Variants in MARCKS observed in about 807,000 individuals in gnomAD.
MARCKS encodes myristoylated alanine-rich C-kinase substrate.
In MARCKS, 4 loss-of-function variants were observed where a neutral mutation model predicts 6.3. That is an observed-to-expected ratio of 0.63 (90% CI 0.31 to 1.45). The LOEUF is 1.45. MARCKS is among the 40% of genes most tolerant of loss of function. The pLI, the probability that MARCKS is intolerant of heterozygous loss-of-function variation, is 0.07. For synonymous variants in MARCKS, 289 were observed against 236.5 expected, an observed-to-expected ratio of 1.22 and a Z score of -2.04; for missense variants, 636 against 485.7, an observed-to-expected ratio of 1.31 and a Z score of -2.91.
At position 113,857,823 on chromosome 6, in the gene MARCKS, G is replaced by T; in HGVS notation, c.78G>T (p.Ser26=). 1 of 1,605,348 alleles carries T rather than the reference G, an allele frequency of 6.2e-7. No homozygotes were observed. The change falls in exon 1 of 2, where the codon TCG becomes TCT. Residue 26 remains serine (S), a synonymous_variant. Coordinates refer to ENST00000612661, the MANE Select transcript of MARCKS (RefSeq NM_002356.7). ...GGCCTGGGGAGGCGGCTGTGGCCTC[G>T]TCGCCTTCCAAAGCGAACGGACAGG... ...AERPGEAAVA[S]SPSKANGQEN...
intron 1 of MARCKS, 80 bp from the exon 2 acceptor site, chr6:113,859,603 C>A: frequency 8.0e-7 from 1 of 1,246,884 alleles, no homozygotes. Context: ...GGAAGCGGGG[C>A]ACTCCCGGTC....
chr6:113,862,749 C>T lies in MARCKS; in HGVS notation c.*2170C>T, dbSNP rs1774921784. ...AAAAATAACAAATTAGGTTTTGACA[C>T]GCATTCTTAATTGGAATAATGGATC... On this transcript the variant is annotated 3_prime_UTR_variant, in exon 2 of 2. Transcript: ENST00000612661. 1 of 152,092 alleles carries T rather than the reference C, an allele frequency of 6.6e-6. No individual in the cohort carries two copies. Among genetic ancestry groups the T allele is most frequent in the Non-Finnish European group, 1.5e-5 (1 of 67,972 alleles). 9.4% of individuals were successfully genotyped at this position (152,092 alleles called of 1,614,324 possible).
Position 113,857,722 on chromosome 6 carries a change from A to G in MARCKS, c.-24A>G, listed in dbSNP as rs1240011338. 2 of 1,564,536 alleles carry G rather than the reference A, an allele frequency of 1.3e-6. No homozygotes were observed. Among genetic ancestry groups the G allele is most frequent in the Admixed American group, 1.8e-5 (1 of 55,354 alleles). ...TTTGTTTCCCCTCTTGGATCTGTTG[A>G]GTTTCTTTGTTGAAGAAGCCAGCAT... is the stretch of plus-strand genomic sequence containing the variant. On this transcript the variant is annotated 5_prime_UTR_variant, in exon 1 of 2. Coordinates refer to ENST00000612661, the MANE Select transcript of MARCKS (RefSeq NM_002356.7).
At chr6:113,859,095 T>C (rs1469353849) in intron 1 of MARCKS, among the ~76,000 whole-genome samples, 1 of 151,914 alleles carries the variant, frequency 6.6e-6, no homozygotes. Context: ...CGCGGCGCGG[T>C]GGAGGCACAG....
At chr6:113,857,926 G>A (rs1774813377) in intron 1 of MARCKS, 79 bp downstream of exon 1, 4 of 1,148,738 alleles carry the variant, frequency 3.5e-6, no homozygotes, top group Non-Finnish European at 5.0e-6. Context: ...AGGCTCATTC[G>A]TGGAGAGGAG....
rs1233242439 is a variant in MARCKS at position 113,857,705 on chromosome 6, C to T, written c.-41C>T. Reference sequence around the variant, plus strand: ...ACACCAACCCGAGGCTCTTTGTTTCCCCTCTTGGATCTGTTGAGTTTCTTT... The same window carrying T: ...ACACCAACCCGAGGCTCTTTGTTTCTCCTCTTGGATCTGTTGAGTTTCTTT... On this transcript the variant is annotated 5_prime_UTR_variant, in exon 1 of 2. Coordinates refer to ENST00000612661, the MANE Select transcript of MARCKS (RefSeq NM_002356.7). 1 of 1,491,024 alleles carries T rather than the reference C, an allele frequency of 6.7e-7. No homozygotes were observed. The highest frequency in any genetic ancestry group is 1.2e-5 in the South Asian group (1 of 83,928). 92.4% of individuals were successfully genotyped at this position (1,491,024 alleles called of 1,614,324 possible).
chr6:113,862,580 T>A lies in MARCKS; in HGVS notation c.*2001T>A, dbSNP rs1365782635. On this transcript the variant is annotated 3_prime_UTR_variant, in exon 2 of 2. Coordinates refer to ENST00000612661, the MANE Select transcript of MARCKS (RefSeq NM_002356.7). ...TTCCTTCAAAGGACCCTAAACTGAT[T>A]GAAATTTAAGATATGTATCAAAAAC... 2.6e-5 allele frequency: 4 copies of A among 152,144 alleles called. No individual in the cohort carries two copies. The allele number at this position is 152,144 out of a possible 1,614,324, so 9.4% of individuals were successfully genotyped here.
chr6:113,859,332 CT>C (rs1284173302), intron 1 of MARCKS, among the ~76,000 whole-genome samples: 2 of 152,320 alleles, frequency 1.3e-5, no homozygotes, highest in South Asian at 2.1e-4. Context: ...TCCCTGGCAC[CT>C]TTTTTCCCCC....
rs1452338363 is a variant in MARCKS, at chr6:113,860,908, CAA to C, written c.*332_*333del. 1.3e-5 allele frequency: 2 copies of C among 158,806 alleles called. No homozygotes were observed. The highest frequency in any genetic ancestry group is 2.8e-5 in the Non-Finnish European group (2 of 72,270). 9.8% of individuals were successfully genotyped at this position (158,806 alleles called of 1,614,324 possible). On this transcript the variant is annotated 3_prime_UTR_variant, in exon 2 of 2. Transcript: ENST00000612661. ...TTTTTGCATACTTTGCATCTTTATT[CAA>C]AAGTGTAAACTTTCTTTGTCAATCT... is the stretch of plus-strand genomic sequence containing the variant.
chr6:113,860,689 T>A lies in MARCKS; in HGVS notation c.*110T>A. 1 of 755,190 alleles carries A rather than the reference T, an allele frequency of 1.3e-6. No homozygotes were observed. Among genetic ancestry groups the A allele is most frequent in the Non-Finnish European group, 1.9e-6 (1 of 520,818 alleles). 46.8% of individuals were successfully genotyped at this position (755,190 alleles called of 1,614,324 possible). On this transcript the variant is annotated 3_prime_UTR_variant, in exon 2 of 2. Coordinates refer to ENST00000612661, the MANE Select transcript of MARCKS (RefSeq NM_002356.7). Reference sequence around the variant, plus strand: ...CTTGTCTACAACCAGGGATTGATTTTAAAGATGTCTTTTTTTATTTTACTT... The same window carrying A: ...CTTGTCTACAACCAGGGATTGATTTAAAAGATGTCTTTTTTTATTTTACTT...
intron 1 of MARCKS, 68 bp downstream of exon 1, chr6:113,857,915 A>G: frequency 1.5e-6 from 2 of 1,299,614 alleles, no homozygotes; most frequent in Non-Finnish European, 2.2e-6. Context: ...GGTGGCTCCC[A>G]AGGCTCATTC....
chr6:113,857,900 C>T, intron 1 of MARCKS, 53 bp downstream of exon 1: 1 of 1,398,580 alleles, frequency 7.2e-7, no homozygotes, highest in Non-Finnish European at 9.9e-7. Context: ...CTCTCCTTCC[C>T]TCCTGGTGGC....
chr6:113,859,009 G>C (rs1294460330), intron 1 of MARCKS, among the ~76,000 whole-genome samples: 2 of 152,066 alleles, frequency 1.3e-5, no homozygotes, highest in Non-Finnish European at 2.9e-5. Context: ...GGGGCGCCTC[G>C]GCCTGCGGGC....
chr6:113,860,825 C>T lies in MARCKS; in HGVS notation c.*246C>T. 1 of 285,238 alleles carries T rather than the reference C, an allele frequency of 3.5e-6. No individual in the cohort carries two copies. The highest frequency in any genetic ancestry group is 6.5e-6 in the Non-Finnish European group (1 of 153,174). The allele number at this position is 285,238 out of a possible 1,614,324, so 17.7% of individuals were successfully genotyped here. A position where few individuals can be genotyped will look rare whatever the true frequency, so the allele number is the denominator to read the frequency against. On this transcript the variant is annotated 3_prime_UTR_variant, in exon 2 of 2. Transcript: ENST00000612661. ...CAACAGGTCGAGGAGAGCTTAAACA[C>T]CTTCTTCCTCTGCCTTGTTTCTCTT...
Position 113,860,242 on chromosome 6 carries a change from A to C in MARCKS, c.662A>C (p.Glu221Ala). The change falls in exon 2 of 2, where the codon GAG (glutamate) becomes GCG (alanine). Residue 221 changes from glutamate (E) to alanine (A), a missense_variant. Glu to Ala is a moderately radical substitution (Grantham distance 107, BLOSUM62 -1). Transcript: ENST00000612661. Reference sequence around the variant, plus strand: ...GAGCAGGCAGCGGCGCCGGGCGAGGAGGCGGCAGCGGGCGAGGAGGGGGCG... The same window carrying C: ...GAGCAGGCAGCGGCGCCGGGCGAGGCGGCGGCAGCGGGCGAGGAGGGGGCG... ...SGEQAAAPGE[E>A]AAAGEEGAAG... 9.3e-7 allele frequency: 1 copy of C among 1,077,144 alleles called. No homozygotes were observed. Among genetic ancestry groups the C allele is most frequent in the Non-Finnish European group, 1.1e-6 (1 of 884,826 alleles). 66.7% of individuals were successfully genotyped at this position (1,077,144 alleles called of 1,614,324 possible). A position where few individuals can be genotyped will look rare whatever the true frequency, so the allele number is the denominator to read the frequency against.
In MARCKS at chr6:113,860,529, G is replaced by A. The variant is rs1774881461; in HGVS notation, c.949G>A (p.Ala317Thr). The change falls in exon 2 of 2, where the codon GCC (alanine) becomes ACC (threonine). Residue 317 changes from alanine to threonine, a missense_variant. By Grantham distance (58) the Ala-to-Thr change is moderately conservative (BLOSUM62 0). Coordinates refer to ENST00000612661, the MANE Select transcript of MARCKS (RefSeq NM_002356.7). ...AGCCTGCGCAGCCCCCTCACAGGAG[G>A]CCCAGCCCGAGTGCAGTCCAGAAGC... ...SSACAAPSQEAQPECSPEAPP... is the reference protein window; with the variant it reads ...SSACAAPSQETQPECSPEAPP... The A allele has an allele frequency of 1.3e-6, 2 of 1,558,356 alleles. No homozygotes were observed. The highest frequency in any genetic ancestry group is 1.4e-5 in the African/African-American group (1 of 70,268).
At chr6:113,859,117 G>A (rs1167972774) in intron 1 of MARCKS, among the ~76,000 whole-genome samples, 1 of 152,162 alleles carries the variant, frequency 6.6e-6, no homozygotes, top group Admixed American at 6.5e-5. Context: ...GCCCCCTGCC[G>A]GTGCCAAAGG....
chr6:113,860,282 G>GCAGGAGGCCAAGCCC lies in MARCKS; in HGVS notation c.712_726dup (p.Lys238_Ala242dup). ...AGGAGGGGGCGGCGGGTGGCGACCC[G>GCAGGAGGCCAAGCCC]CAGGAGGCCAAGCCCCAGGAGGCCG... On this transcript the variant is annotated inframe_insertion, in exon 2 of 2. Transcript: ENST00000612661. 2.4e-6 allele frequency: 3 copies of GCAGGAGGCCAAGCCC among 1,225,338 alleles called. No homozygotes were observed. The highest frequency in any genetic ancestry group is 1.7e-5 in the African/African-American group (1 of 60,244). 75.9% of individuals were successfully genotyped at this position (1,225,338 alleles called of 1,614,324 possible). A position where few individuals can be genotyped will look rare whatever the true frequency, so the allele number is the denominator to read the frequency against.
At position 113,860,711 on chromosome 6, in the gene MARCKS, A is replaced by C. The variant is rs1774887611; in HGVS notation, c.*132A>C. The C allele has an allele frequency of 4.7e-6, 3 of 637,308 alleles. No homozygotes were observed. Among genetic ancestry groups the C allele is most frequent in the Non-Finnish European group, 7.1e-6 (3 of 423,990 alleles). The allele number at this position is 637,308 out of a possible 1,614,324, so 39.5% of individuals were successfully genotyped here. ...TTTTAAAGATGTCTTTTTTTATTTT[A>C]CTTTTTTTTAAGCACCAAATTTTGT... On this transcript the variant is annotated 3_prime_UTR_variant, in exon 2 of 2. Transcript: ENST00000612661.
Sources: allele counts gnomAD v4.1 joint callset (sites outside exome capture counted in the v4.1 genomes callset), GRCh38; gene constraint gnomAD v4.1.1; transcripts MANE v1.5; gene names NCBI Gene and HGNC (gene_info 2026-07-23, HGNC 2026-07-21).